The following PLA1A variants were observed in gnomAD, a reference collection of about 807,000 sequenced individuals.
PLA1A encodes the protein phospholipase A1 member A.
A neutral mutation model predicts 49.4 loss-of-function variants in PLA1A; 47 were observed. The observed-to-expected ratio is 0.95, with a 90% CI of 0.75 to 1.21. The LOEUF (loss-of-function observed/expected upper bound fraction) is 1.21, where lower values mean the gene tolerates loss of function less well. Among genes scored for constraint, PLA1A ranks in the 50% most tolerant of loss-of-function variants. PLA1A has a pLI of 0.00. For missense variants in PLA1A, 561 were observed against 563.9 expected (o/e 0.99, Z 0.05); for synonymous variants, 224 against 207.9 (o/e 1.08, Z -0.67).
chr3:119,618,225 G>T (rs756999514), intron 7 of PLA1A, 39 bp downstream of exon 7: 1 of 1,538,610 alleles, frequency 6.5e-7, no homozygotes. Context: ...GACAATGTGG[G>T]GAAGTTCAAG....
intron 8 of PLA1A, among the ~76,000 whole-genome samples, chr3:119,622,135 G>A (rs1560086784): frequency 4.2e-4 from 59 of 140,270 alleles, no homozygotes; most frequent in African/African-American, 1.6e-3. Context: ...AGAAGAGGAA[G>A]AGGAGGAGGA....
At chr3:119,628,974 T>C in intron 10 of PLA1A, 109 bp downstream of exon 10, 1 of 913,932 alleles carries the variant, frequency 1.1e-6, no homozygotes, top group South Asian at 1.6e-5. Flanking sequence ...GTGATTATCA[T>C]CTTAGAAGCA....
intron 6 of PLA1A, among the ~76,000 whole-genome samples, chr3:119,617,742 C>CA (rs11331421): frequency 1.1e-3 from 153 of 142,236 alleles, no homozygotes; most frequent in African/African-American, 2.9e-3. Context: ...GATTCCGTCT[C>CA]AAAAAAAAAA....
chr3:119,606,677 C>A, intron 1 of PLA1A, 97 bp from the exon 2 acceptor site: 3 of 840,598 alleles, frequency 3.6e-6, no homozygotes, highest in South Asian at 1.6e-5. Flanking sequence ...TGCCTGCAGG[C>A]CCCTGTTTCT....
Position 119,629,677 on chromosome 3 carries a change from C to T in PLA1A, c.*209C>T, listed in dbSNP as rs2052599355. The T allele has an allele frequency of 3.7e-6, 2 of 541,392 alleles. No homozygotes were observed. Among genetic ancestry groups the T allele is most frequent in the Non-Finnish European group, 6.5e-6 (2 of 305,374 alleles). 33.5% of individuals were successfully genotyped at this position (541,392 alleles called of 1,614,324 possible). ...TGGTTTCCTTTGCCGATCTTATGTA[C>T]ATACCCATTTTAGCTTTCCCATGCA... On this transcript the variant is annotated 3_prime_UTR_variant, in exon 11 of 11. Coordinates refer to ENST00000273371, the MANE Select transcript of PLA1A (RefSeq NM_015900.4).
At chr3:119,604,383 A>T (rs1185891484) in intron 1 of PLA1A, among the ~76,000 whole-genome samples, 5 of 152,220 alleles carry the variant, frequency 3.3e-5, no homozygotes, top group Non-Finnish European at 5.9e-5. Context: ...GAATGAATAA[A>T]AAAAAAGAAG....
At chr3:119,623,743 A>G (rs570952198) in intron 8 of PLA1A, among the ~76,000 whole-genome samples, 2 of 62,330 alleles carry the variant, frequency 3.2e-5, no homozygotes, top group East Asian at 9.6e-4. Context: ...TTTTTTTTTG[A>G]GACAGAGTTT....
intron 5 of PLA1A, among the ~76,000 whole-genome samples, chr3:119,613,832 G>T (rs1011740185): frequency 1.3e-5 from 2 of 151,912 alleles, no homozygotes; most frequent in Non-Finnish European, 2.9e-5. Context: ...GGCAGAGTTT[G>T]CAGGGAGCCG....
At chr3:119,618,818 C>G (rs572428152) in intron 7 of PLA1A, among the ~76,000 whole-genome samples, 1 of 152,134 alleles carries the variant, frequency 6.6e-6, no homozygotes, top group Non-Finnish European at 1.5e-5. Flanking sequence ...CTCTCCCTCC[C>G]GCACTCTCTC....
chr3:119,618,420 C>A (rs1159846336), intron 7 of PLA1A, among the ~76,000 whole-genome samples: 1 of 152,208 alleles, frequency 6.6e-6, no homozygotes, highest in African/African-American at 2.4e-5. Flanking sequence ...CCCACACACA[C>A]CCTTCCCACA....
intron 8 of PLA1A, chr3:119,620,038 T>C: frequency 4.3e-6 from 2 of 461,214 alleles, no homozygotes. Flanking sequence ...CCCTGGGGAA[T>C]ACTGAACCTT....
In PLA1A at chr3:119,618,060, C is replaced by T; in HGVS notation, c.796C>T (p.Leu266Phe). ...CTGTGATCACATGAGGGCTGTGCAC[C>T]TCTACATCAGCGCCCTGGAGAATTC... ...LICDHMRAVH[L>F]YISALENSCP... is the part of the protein sequence containing the mutation. The change falls in exon 7 of 11, where the codon CTC becomes TTC. Residue 266 changes from leucine to phenylalanine, a missense_variant. Transcript: ENST00000273371. 6.2e-7 allele frequency: 1 copy of T among 1,614,002 alleles called. No individual in the cohort carries two copies.
intron 6 of PLA1A, 117 bp downstream of exon 6, chr3:119,616,218 G>A (rs1384026962): frequency 3.5e-5 from 25 of 707,070 alleles, no homozygotes; most frequent in Non-Finnish European, 6.5e-5. Context: ...AGTGTCCTTT[G>A]CTATGTCCCA....
intron 8 of PLA1A, among the ~76,000 whole-genome samples, chr3:119,623,156 T>C (rs2082968414): frequency 2.0e-5 from 3 of 151,688 alleles, no homozygotes; most frequent in Admixed American, 1.3e-4. Context: ...TTTTGATTTT[T>C]TTTGAGACAG....
intron 9 of PLA1A, among the ~76,000 whole-genome samples, chr3:119,625,851 C>T (rs1410071076): frequency 6.6e-6 from 1 of 152,136 alleles, no homozygotes; most frequent in African/African-American, 2.4e-5. Flanking sequence ...GGCAAGGAAC[C>T]CCAACTGTAG....
chr3:119,619,813 A>G (rs539917548), intron 8 of PLA1A, among the ~76,000 whole-genome samples, 161 bp downstream of exon 8: 20 of 152,340 alleles, frequency 1.3e-4, no homozygotes, highest in Admixed American at 5.9e-4. Context: ...GAGTGAGTCC[A>G]ACCGATTGCT....
chr3:119,626,911 C>G (rs2052545525), intron 9 of PLA1A, among the ~76,000 whole-genome samples: 1 of 152,172 alleles, frequency 6.6e-6, no homozygotes, highest in South Asian at 2.1e-4. Context: ...GGTTGTGCTA[C>G]TTCTAGAAGG....
chr3:119,600,170 T>C (rs568452648), intron 1 of PLA1A: 43 of 531,764 alleles, frequency 8.1e-5, no homozygotes, highest in Non-Finnish European at 1.3e-4. Context: ...AGGTGCCTGC[T>C]GTCACACAAG....
At chr3:119,627,462 G>A (rs763128305) in intron 9 of PLA1A, among the ~76,000 whole-genome samples, 16 of 152,178 alleles carry the variant, frequency 1.1e-4, no homozygotes, top group Non-Finnish European at 2.2e-4. Flanking sequence ...TTTAAAAAAA[G>A]AGGGAATGGT....
Sources: gnomAD v4.1 joint callset for allele counts (sites outside exome capture counted in the v4.1 genomes callset) on GRCh38, gnomAD v4.1.1 for gene constraint, MANE v1.5 for transcripts, NCBI Gene and HGNC (gene_info 2026-07-23, HGNC 2026-07-21) for gene names.